Variants in UGT8 observed in about 807,000 individuals in gnomAD.
UGT8 encodes the protein UDP glycosyltransferase 8.
Under a neutral mutation model 40.5 loss-of-function variants are expected in UGT8, and 12 were observed. That is an observed-to-expected ratio of 0.30 (90% CI 0.19 to 0.48). The LOEUF is 0.48. Among genes scored for constraint, UGT8 ranks in the 20% least tolerant of loss-of-function variants. The pLI, the probability that UGT8 is intolerant of heterozygous loss-of-function variation, is 0.99. For synonymous variants in UGT8, 224 were observed against 240.4 expected (o/e 0.93, Z 0.63); for missense variants, 513 against 648.7 (o/e 0.79, Z 2.27).
intron 5 of UGT8, chr4:114,675,721 C>G (rs1226290885): frequency 2.0e-5 from 5 of 253,310 alleles, no homozygotes; most frequent in Non-Finnish European, 2.5e-5. Flanking sequence ...GCCTGGGCGA[C>G]AGAGCGAGAC....
At position 114,613,258 on chromosome 4, in the gene UGT8, T is replaced by C. The variant is rs538625132; in HGVS notation, c.-2-9621T>C. On this transcript the variant is annotated intron_variant, in intron 1 of 5. Transcript: ENST00000310836. ...GATAGTCTTAGATTACCAAGTACCA[T>C]ACATGTCCAAAAAACCTCAACATTT... is the stretch of plus-strand genomic sequence containing the variant. Among the ~76,000 whole-genome samples, 120 of 152,182 alleles carry C rather than the reference T, an allele frequency of 7.9e-4. 1 individual carries two copies. The highest frequency in any genetic ancestry group is 8.7e-4 in the Non-Finnish European group (59 of 68,004).
intron 2 of UGT8, among the ~76,000 whole-genome samples, chr4:114,626,270 A>G (rs543286380): frequency 6.6e-6 from 1 of 152,290 alleles, no homozygotes; most frequent in East Asian, 1.9e-4. Flanking sequence ...CTAAAAGTTA[A>G]TGAGTTTCTC....
chr4:114,616,302 G>C lies in UGT8; in HGVS notation c.-2-6577G>C, dbSNP rs539164602. ...ACCTACTCAAGCCTCGGCAGTGGCG[G>C]GCGCCCCTCCCCTAGCCTCATGGCC... On this transcript the variant is annotated intron_variant, in intron 1 of 5. Transcript: ENST00000310836. Among the ~76,000 whole-genome samples the C allele has an allele frequency of 2.6e-5, 4 of 152,290 alleles. No individual in the cohort carries two copies. In the East Asian group the frequency reaches 5.8e-4, roughly 22 times the overall value.
intron 1 of UGT8, among the ~76,000 whole-genome samples, chr4:114,609,585 G>A (rs908151113): frequency 3.3e-5 from 5 of 152,082 alleles, no homozygotes; most frequent in Admixed American, 1.3e-4. Flanking sequence ...GGAATTCAGA[G>A]GAGGGATCCT....
intron 2 of UGT8, among the ~76,000 whole-genome samples, chr4:114,627,090 T>C (rs1732273765): frequency 1.3e-5 from 2 of 152,150 alleles, no homozygotes; most frequent in Admixed American, 1.3e-4. Context: ...TAGGAGTCTT[T>C]AAACAATGTG....
intron 1 of UGT8, among the ~76,000 whole-genome samples, chr4:114,608,320 A>T (rs1730853167): frequency 6.6e-6 from 1 of 151,882 alleles, no homozygotes; most frequent in African/African-American, 2.4e-5. Context: ...GAGAGTATGA[A>T]CTCTTAGAGG....
At chr4:114,619,375 A>G (rs190216914) in intron 1 of UGT8, 104 of 152,166 alleles carry the variant, frequency 6.8e-4, no homozygotes, top group Admixed American at 3.6e-3. Flanking sequence ...TGAATGAAGT[A>G]TTTTTTCATC....
At chr4:114,641,986 A>G (rs2126114382) in intron 2 of UGT8, among the ~76,000 whole-genome samples, 1 of 152,312 alleles carries the variant, frequency 6.6e-6, no homozygotes, top group East Asian at 1.9e-4. Context: ...TAAGTTGGAA[A>G]TTTACATTAA....
intron 1 of UGT8, among the ~76,000 whole-genome samples, chr4:114,610,251 C>T (rs981782874): frequency 3.3e-5 from 5 of 152,134 alleles, no homozygotes; most frequent in Non-Finnish European, 7.4e-5. Context: ...ACAACCACCC[C>T]ATAGAGACTT....
At chr4:114,622,588 C>G (rs976891516) in intron 1 of UGT8, 10 of 288,760 alleles carry the variant, frequency 3.5e-5, no homozygotes, top group African/African-American at 2.2e-4. Context: ...TCCACATCCT[C>G]TCCGGCACCT....
rs142696079 is a variant in UGT8 at position 114,664,641 on chromosome 4, G to A, written c.965+504G>A. Among the ~76,000 whole-genome samples the A allele has an allele frequency of 3.0e-3, 458 of 152,130 alleles. 3 individuals carry two copies. Among genetic ancestry groups the A allele is most frequent in the African/African-American group, 0.011 (439 of 41,524 alleles). On this transcript the variant is annotated intron_variant, in intron 3 of 5. Transcript: ENST00000310836. ...ACCTGGCCTTTAAAAACACAATCAC[G>A]TACCATTTAACACGGTTTAAGACAG...
intron 3 of UGT8, 117 bp downstream of exon 3, chr4:114,664,254 C>T (rs1436203666): frequency 2.6e-6 from 3 of 1,140,808 alleles, no homozygotes; most frequent in South Asian, 1.6e-5. Flanking sequence ...GCAAGATGCC[C>T]TTGACTTTCA....
rs745812383 is a variant in UGT8 at position 114,623,610 on chromosome 4, A to G, written c.730A>G (p.Thr244Ala). 6.2e-7 allele frequency: 1 copy of G among 1,614,140 alleles called. No homozygotes were observed. The highest frequency in any genetic ancestry group is 8.5e-7 in the Non-Finnish European group (1 of 1,180,018). ...VHGSSLWMLC[T>A]DVALEFPRPT... is the part of the protein sequence containing the mutation. Reference sequence around the variant, plus strand: ...TGGGTCCAGCCTGTGGATGCTGTGTACTGACGTAGCACTGGAATTCCCAAG... The same window carrying G: ...TGGGTCCAGCCTGTGGATGCTGTGTGCTGACGTAGCACTGGAATTCCCAAG... Residue 244 changes from threonine (T) to alanine (A), a missense_variant, in exon 2 of 6, where the codon ACT becomes GCT. By Grantham distance (58) the Thr-to-Ala change is moderately conservative (BLOSUM62 0). This residue lies in a region of UGT8 where 335 missense variants were observed against 444.8 expected (regional missense o/e 0.75). Transcript: ENST00000310836.
At chr4:114,650,934 CA>C (rs1365163571) in intron 2 of UGT8, among the ~76,000 whole-genome samples, 1 of 151,682 alleles carries the variant, frequency 6.6e-6, no homozygotes, top group African/African-American at 2.4e-5. Flanking sequence ...TTCCGTTGCC[CA>C]AAACATCCTT....
intron 2 of UGT8, among the ~76,000 whole-genome samples, chr4:114,624,374 T>C (rs1290178171): frequency 6.6e-6 from 1 of 152,196 alleles, no homozygotes. Context: ...GGTATTCTGT[T>C]CACCATCCTT....
intron 2 of UGT8, among the ~76,000 whole-genome samples, chr4:114,632,780 C>T (rs981604808): frequency 1.3e-5 from 2 of 152,184 alleles, no homozygotes; most frequent in African/African-American, 4.8e-5. Flanking sequence ...CCTAGTACGA[C>T]AGTACTTGCA....
Position 114,604,293 on chromosome 4 carries a change from C to T in UGT8, c.-3+5319C>T, listed in dbSNP as rs28425655. Among the ~76,000 whole-genome samples, 759 of 152,174 alleles carry T rather than the reference C, an allele frequency of 5.0e-3. 4 individuals are homozygous for T. Among genetic ancestry groups the T allele is most frequent in the African/African-American group, 0.017 (723 of 41,514 alleles). The stretch of plus-strand genomic sequence containing the variant: ...CATTTTAGTATTAGCTGAAAATAAA[C>T]TCAGAAAACAATACAGATGATTTCA... On this transcript the variant is annotated intron_variant, in intron 1 of 5. Coordinates refer to ENST00000310836, the MANE Select transcript of UGT8 (RefSeq NM_001128174.3).
At chr4:114,603,909 A>G (rs1730584007) in intron 1 of UGT8, among the ~76,000 whole-genome samples, 1 of 152,232 alleles carries the variant, frequency 6.6e-6, no homozygotes, top group Admixed American at 6.5e-5. Context: ...CGCTCTCAGA[A>G]TTCACAGAGA....
chr4:114,648,371 G>GT (rs71753758), intron 2 of UGT8, among the ~76,000 whole-genome samples: 58 of 125,694 alleles, frequency 4.6e-4, no homozygotes, highest in African/African-American at 1.3e-3. Context: ...AGAAAATCTG[G>GT]TTTTTTTTTT....
Sources: allele counts gnomAD v4.1 joint callset (sites outside exome capture counted in the v4.1 genomes callset), GRCh38; gene constraint gnomAD v4.1.1; regional missense constraint gnomAD v4.1.1; transcripts MANE v1.5; gene names NCBI Gene and HGNC (gene_info 2026-07-23, HGNC 2026-07-21).